Variants in EDA observed in about 807,000 individuals in gnomAD.
EDA encodes the protein ectodysplasin A.
Under a neutral mutation model 23.6 loss-of-function variants are expected in EDA, and 2 were observed. That is an observed-to-expected ratio of 0.08 (90% CI 0.03 to 0.27). The LOEUF (loss-of-function observed/expected upper bound fraction) is 0.27, where lower values mean the gene tolerates loss of function less well. Ranked by LOEUF, EDA falls within the 10% of genes least tolerant of loss-of-function variation. The pLI is 1.00. For missense variants in EDA, 229 were observed against 324.2 expected (o/e 0.71, Z 2.26); for synonymous variants, 131 against 132.0 (o/e 0.99, Z 0.05).
chrX:69,928,385 G>T (rs944820289), intron 1 of EDA, among the ~76,000 whole-genome samples: 6 of 111,858 alleles, frequency 5.4e-5, no homozygotes, highest in Non-Finnish European at 1.1e-4. Context: ...AGTCTATTTT[G>T]CATTCCACAG....
chrX:69,882,245 C>T (rs2017759236), intron 1 of EDA, among the ~76,000 whole-genome samples: 1 of 111,613 alleles, frequency 9.0e-6, no homozygotes, highest in Non-Finnish European at 1.9e-5. Flanking sequence ...GGCTAGGATT[C>T]CATGGAGTTA....
At chrX:69,751,215 A>G (rs868556254) in intron 1 of EDA, among the ~76,000 whole-genome samples, 1 of 106,179 alleles carries the variant, frequency 9.4e-6, no homozygotes, top group South Asian at 4.2e-4. Flanking sequence ...GGTGTAAGGA[A>G]GGATCCAGTT....
intron 1 of EDA, among the ~76,000 whole-genome samples, chrX:69,766,291 T>A (rs1683886995): frequency 9.0e-6 from 1 of 111,568 alleles, no homozygotes; most frequent in African/African-American, 3.3e-5. Flanking sequence ...CATTTTTTTT[T>A]AACTTCTATT....
intron 1 of EDA, among the ~76,000 whole-genome samples, chrX:69,742,295 G>A (rs936465410): frequency 3.6e-5 from 4 of 111,146 alleles, no homozygotes; most frequent in East Asian, 5.7e-4. Flanking sequence ...ACCCTACCCC[G>A]TGTGACACCG....
chrX:69,924,143 T>A (rs145664568), intron 1 of EDA, among the ~76,000 whole-genome samples: 53 of 111,981 alleles, frequency 4.7e-4, no homozygotes, highest in African/African-American at 1.6e-3. Flanking sequence ...ATACTTTGTT[T>A]TGCTGTGCAG....
At chrX:69,761,459 C>T (rs2014305911) in intron 1 of EDA, among the ~76,000 whole-genome samples, 1 of 112,105 alleles carries the variant, frequency 8.9e-6, no homozygotes, top group African/African-American at 3.2e-5. Flanking sequence ...GGAAGTAGTA[C>T]TATCCACATT....
At chrX:69,899,264 A>G (rs1239808645) in intron 1 of EDA, among the ~76,000 whole-genome samples, 1 of 111,868 alleles carries the variant, frequency 8.9e-6, no homozygotes, top group Non-Finnish European at 1.9e-5. Flanking sequence ...ATTTGCTGTA[A>G]TAGCCTCATC....
intron 2 of EDA, among the ~76,000 whole-genome samples, chrX:70,010,061 T>A (rs1027363292): frequency 1.8e-5 from 2 of 112,190 alleles, no homozygotes; most frequent in Non-Finnish European, 3.8e-5. Flanking sequence ...GTGTTCCATG[T>A]GAATCTGAGA....
intron 2 of EDA, among the ~76,000 whole-genome samples, chrX:70,006,917 C>G (rs1483843774): frequency 1.8e-5 from 2 of 110,739 alleles, no homozygotes; most frequent in Non-Finnish European, 3.8e-5. Flanking sequence ...GCATTTGGAT[C>G]TATGATCCAT....
intron 1 of EDA, among the ~76,000 whole-genome samples, chrX:69,892,577 A>C (rs766345573): frequency 2.7e-5 from 3 of 112,447 alleles, no homozygotes; most frequent in African/African-American, 9.7e-5. Flanking sequence ...ATTGAAAAAT[A>C]GATTAGAGCC....
At chrX:69,724,904 A>T (rs2012733113) in intron 1 of EDA, among the ~76,000 whole-genome samples, 2 of 112,262 alleles carry the variant, frequency 1.8e-5, no homozygotes, top group African/African-American at 6.5e-5. Context: ...TTATAGGCTT[A>T]GGAAATGGGA....
chrX:70,031,398 A>T (rs1236780427), intron 6 of EDA, among the ~76,000 whole-genome samples: 1 of 111,933 alleles, frequency 8.9e-6, no homozygotes, highest in African/African-American at 3.2e-5. Flanking sequence ...AAACATGAAC[A>T]TTCATGAAAG....
chrX:69,623,016 T>C (rs989629652), intron 1 of EDA, among the ~76,000 whole-genome samples: 1 of 112,189 alleles, frequency 8.9e-6, no homozygotes, highest in African/African-American at 3.2e-5. Context: ...ATATGCAAGA[T>C]TGTTTCTGAA....
intron 2 of EDA, among the ~76,000 whole-genome samples, chrX:69,999,634 A>AG (rs1428877098): frequency 1.8e-5 from 2 of 109,084 alleles, no homozygotes; most frequent in African/African-American, 6.7e-5. Context: ...AAAAAAAAAA[A>AG]AGGAAAAAAA....
chrX:69,731,125 C>A (rs2013007396), intron 1 of EDA, among the ~76,000 whole-genome samples: 1 of 111,530 alleles, frequency 9.0e-6, no homozygotes, highest in African/African-American at 3.3e-5. Context: ...TGTTTTATTG[C>A]TTATTTTTAT....
chrX:69,998,038 G>T, intron 2 of EDA, among the ~76,000 whole-genome samples: 1 of 112,114 alleles, frequency 8.9e-6, no homozygotes. Context: ...CCCATACAGA[G>T]TCCTTACTGG....
At chrX:69,840,466 T>A (rs2016870743) in intron 1 of EDA, among the ~76,000 whole-genome samples, 1 of 112,092 alleles carries the variant, frequency 8.9e-6, no homozygotes, top group African/African-American at 3.2e-5. Flanking sequence ...AATATATATT[T>A]GTTGAATGAA....
intron 1 of EDA, among the ~76,000 whole-genome samples, chrX:69,772,339 T>C (rs757477199): frequency 8.9e-6 from 1 of 111,848 alleles, no homozygotes; most frequent in African/African-American, 3.2e-5. Context: ...TTACATTAAA[T>C]GATTTTCTAA....
intron 1 of EDA, among the ~76,000 whole-genome samples, chrX:69,775,399 C>T (rs1207868532): frequency 8.9e-6 from 1 of 111,978 alleles, no homozygotes; most frequent in Non-Finnish European, 1.9e-5. Context: ...TAAGGTATAG[C>T]TCCCAGAGCT....
Sources: allele counts gnomAD v4.1 joint callset (sites outside exome capture counted in the v4.1 genomes callset), GRCh38; gene constraint gnomAD v4.1.1; transcripts MANE v1.5; gene names NCBI Gene and HGNC (gene_info 2026-07-23, HGNC 2026-07-21).